Variants in ZNF787 observed in about 807,000 individuals in gnomAD.
ZNF787 encodes zinc finger protein 787, also known as TTF-I-interacting peptide 20.
In ZNF787, 7 loss-of-function variants were observed where a neutral mutation model predicts 16.9. The observed-to-expected ratio is 0.42, with a 90% CI of 0.24 to 0.78. The LOEUF is 0.78. Among genes scored for constraint, ZNF787 ranks in the 30% least tolerant of loss-of-function variants. The probability of loss-of-function intolerance (pLI) is 0.30; values close to 1 mark genes in which losing one functional copy is unlikely to be tolerated. For missense variants in ZNF787, 551 were observed against 589.3 expected (o/e 0.94, Z 0.67); for synonymous variants, 345 against 270.9 (o/e 1.27, Z -2.69).
chr19:56,090,765 T>A (rs575245822), intron 2 of ZNF787, among the ~76,000 whole-genome samples: 2 of 152,218 alleles, frequency 1.3e-5, no homozygotes, highest in African/African-American at 2.4e-5. Flanking sequence ...GAGGTTGCAG[T>A]GAGCTGAGAT....
chr19:56,088,738 G>C lies in ZNF787; in HGVS notation c.434C>G (p.Thr145Arg), dbSNP rs757859430. The change falls in exon 3 of 3, where the codon ACG becomes AGG. Residue 145 changes from threonine (T) to arginine (R), a missense_variant. By Grantham distance (71) the Thr-to-Arg change is moderately conservative. This residue lies in a region of ZNF787 where 39 missense variants were observed against 109.9 expected (regional missense o/e 0.35). Transcript: ENST00000610935. This position sits in a 1 kb window ranked among gnomAD's most constrained non-coding sequence, Gnocchi z 8.6. ...GGGGCAGGTGTAGGGCTTCTCGCCC[G>C]TGTGGATGCGCTGGTGCTGCATGAG... ...SNLMQHQRIH[T>R]GEKPYTCPDC... 6.2e-7 allele frequency: 1 copy of C among 1,610,722 alleles called. No individual in the cohort carries two copies. Among genetic ancestry groups the C allele is most frequent in the Non-Finnish European group, 8.5e-7 (1 of 1,178,966 alleles).
chr19:56,099,114 T>G (rs1346116736), intron 2 of ZNF787, among the ~76,000 whole-genome samples: 1 of 152,184 alleles, frequency 6.6e-6, no homozygotes, highest in Non-Finnish European at 1.5e-5. Context: ...GCTAGGCCAC[T>G]GCTGTCCGGG....
chr19:56,098,865 G>A (rs370284995), intron 2 of ZNF787, among the ~76,000 whole-genome samples: 12 of 151,330 alleles, frequency 7.9e-5, no homozygotes, highest in Non-Finnish European at 1.2e-4. Flanking sequence ...ATGGCCACCC[G>A]GGTGATACGG....
rs767220819 is a variant in ZNF787, at chr19:56,088,908, G to A, written c.264C>T (p.His88=). The change falls in exon 3 of 3, where the codon CAC becomes CAT. Residue 88 remains histidine (H), a synonymous_variant. Coordinates refer to ENST00000610935, the MANE Select transcript of ZNF787 (RefSeq NM_001002836.4). The surrounding 1 kb of genome is among the most constrained non-coding windows in gnomAD (Gnocchi z 8.6). ...CGCAGGCGTTGGGCCGCTCGCCGGT[G>A]TGCGTGCGCTGGTGCCGCGTCAGCT... The part of the protein sequence containing the change: ...WSKLTRHQRT[H]TGERPNACAD... The A allele has an allele frequency of 2.9e-5, 46 of 1,598,964 alleles. No individual in the cohort carries two copies. The highest frequency in any genetic ancestry group is 3.6e-5 in the Non-Finnish European group (42 of 1,172,436).
At chr19:56,108,329 A>C (rs1377372090) in intron 1 of ZNF787, among the ~76,000 whole-genome samples, 1 of 78,042 alleles carries the variant, frequency 1.3e-5, no homozygotes, top group Non-Finnish European at 2.4e-5. Flanking sequence ...CCCTGCCCAG[A>C]GCTCCCCGGC....
rs1348571308 is a variant in ZNF787 at position 56,088,119 on chromosome 19, T to G, written c.1053A>C (p.Gly351=). 8 of 1,543,094 alleles carry G rather than the reference T, an allele frequency of 5.2e-6. No individual in the cohort carries two copies. The Admixed American group carries it at 5.6e-5, about 11-fold the overall frequency. ...VGAPSVCSSC[G]QSYYRAGGEE... ...CCCCGCCCGCGCGGTAGTAGCTCTG[T>G]CCGCAGCTGCTGCAGACCGAGGGCG... is the stretch of plus-strand genomic sequence containing the variant. The change falls in exon 3 of 3, where the codon GGA becomes GGC. Residue 351 remains glycine (G), a synonymous_variant. Coordinates refer to ENST00000610935, the MANE Select transcript of ZNF787 (RefSeq NM_001002836.4). The surrounding 1 kb of genome is among the most constrained non-coding windows in gnomAD (Gnocchi z 8.6).
At chr19:56,097,605 G>A (rs910963837) in intron 2 of ZNF787, among the ~76,000 whole-genome samples, 1 of 152,258 alleles carries the variant, frequency 6.6e-6, no homozygotes, top group African/African-American at 2.4e-5. Context: ...GCTAGCACAG[G>A]AAGAACTGTT....
rs563183307 is a variant in ZNF787 at position 56,112,290 on chromosome 19, T to C, written c.-11+8882A>G. 2.8e-3 allele frequency among the ~76,000 whole-genome samples: 430 copies of C among 152,162 alleles called. 4 individuals carry two copies. Among genetic ancestry groups the C allele is most frequent in the Non-Finnish European group, 4.3e-3 (293 of 67,992 alleles). On this transcript the variant is annotated intron_variant, in intron 1 of 2. Coordinates refer to ENST00000610935, the MANE Select transcript of ZNF787 (RefSeq NM_001002836.4). ...AATTGCACATCTTCTGAAACGAGGG[T>C]CCCGGCCTCCCTTACCAGCCTCCGT...
Position 56,088,716 on chromosome 19 carries a change from G to A in ZNF787, c.456C>T (p.Cys152=). 3.1e-6 allele frequency: 5 copies of A among 1,608,044 alleles called. No individual in the cohort carries two copies. Among genetic ancestry groups the A allele is most frequent in the South Asian group, 1.1e-5 (1 of 90,734 alleles). ...GAGTGAAGCTGCGGCCGCAGTCGGG[G>A]CAGGTGTAGGGCTTCTCGCCCGTGT... ...RIHTGEKPYT[C]PDCGRSFTQS... is the part of the protein sequence containing the mutation. Residue 152 remains cysteine, a synonymous_variant, in exon 3 of 3, where the codon TGC becomes TGT. Coordinates refer to ENST00000610935, the MANE Select transcript of ZNF787 (RefSeq NM_001002836.4). The surrounding 1 kb of genome is among the most constrained non-coding windows in gnomAD (Gnocchi z 8.6).
At chr19:56,109,744 A>T (rs940354574) in intron 1 of ZNF787, among the ~76,000 whole-genome samples, 1 of 151,940 alleles carries the variant, frequency 6.6e-6, no homozygotes, top group Non-Finnish European at 1.5e-5. Flanking sequence ...ATTAGCCGGG[A>T]GTGGTGGCGG....
In ZNF787 at chr19:56,088,163, T is replaced by C. The variant is rs773555962; in HGVS notation, c.1009A>G (p.Lys337Glu). Residue 337 changes from lysine to glutamate, a missense_variant, in exon 3 of 3, where the codon AAG becomes GAG. By Grantham distance (56) the Lys-to-Glu change is moderately conservative. Transcript: ENST00000610935. The surrounding 1 kb of genome is among the most constrained non-coding windows in gnomAD (Gnocchi z 8.6). ...GAGGGCGCGCCCACCGCGTGGATCTTCTTGTGTCTCCGGAGCGCGGCGCCC... is the reference window on the plus strand; with the variant it reads ...GAGGGCGCGCCCACCGCGTGGATCTCCTTGTGTCTCCGGAGCGCGGCGCCC... Reference protein sequence around the residue: ...VQGAALRRHKKIHAVGAPSVC... With the variant: ...VQGAALRRHKEIHAVGAPSVC... 5.1e-5 allele frequency: 79 copies of C among 1,551,782 alleles called. No homozygotes were observed. Among genetic ancestry groups the C allele is most frequent in the Non-Finnish European group, 6.5e-5 (75 of 1,154,514 alleles).
At chr19:56,110,144 G>A (rs1401364440) in intron 1 of ZNF787, among the ~76,000 whole-genome samples, 1 of 152,188 alleles carries the variant, frequency 6.6e-6, no homozygotes, top group South Asian at 2.1e-4. Flanking sequence ...GGCGGATCAC[G>A]AGGTCAGAAA....
intron 1 of ZNF787, among the ~76,000 whole-genome samples, chr19:56,113,209 T>G (rs2030030686): frequency 1.3e-5 from 2 of 152,008 alleles, no homozygotes; most frequent in African/African-American, 4.8e-5. Flanking sequence ...AGGCAGCACC[T>G]CACACCCACT....
rs1599935141 is a variant in ZNF787, at chr19:56,088,134, G to A, written c.1038C>T (p.Val346=). 6.4e-7 allele frequency: 1 copy of A among 1,552,314 alleles called. No individual in the cohort carries two copies. The highest frequency in any genetic ancestry group is 8.7e-7 in the Non-Finnish European group (1 of 1,154,836). Residue 346 remains valine, a synonymous_variant, in exon 3 of 3, where the codon GTC becomes GTT. Coordinates refer to ENST00000610935, the MANE Select transcript of ZNF787 (RefSeq NM_001002836.4). The surrounding 1 kb of genome is among the most constrained non-coding windows in gnomAD (Gnocchi z 8.6). Reference sequence around the variant, plus strand: ...AGTAGCTCTGTCCGCAGCTGCTGCAGACCGAGGGCGCGCCCACCGCGTGGA... The same window carrying A: ...AGTAGCTCTGTCCGCAGCTGCTGCAAACCGAGGGCGCGCCCACCGCGTGGA... ...KKIHAVGAPS[V]CSSCGQSYYR...
In ZNF787 at chr19:56,115,889, A is replaced by C. The variant is rs536712929; in HGVS notation, c.-11+5283T>G. Reference sequence around the variant, plus strand: ...CCTTATGCGAAGGCTTCCGGGTCTTAGGGCAGCCGAGTAACTGAGAATTGT... The same window carrying C: ...CCTTATGCGAAGGCTTCCGGGTCTTCGGGCAGCCGAGTAACTGAGAATTGT... On this transcript the variant is annotated intron_variant, in intron 1 of 2. Transcript: ENST00000610935. 1.7e-4 allele frequency among the ~76,000 whole-genome samples: 26 copies of C among 152,308 alleles called. No homozygotes were observed. The South Asian group carries it at 5.4e-3, about 32-fold the overall frequency.
chr19:56,112,197 A>G (rs1000214491), intron 1 of ZNF787, among the ~76,000 whole-genome samples: 1 of 152,146 alleles, frequency 6.6e-6, no homozygotes, highest in African/African-American at 2.4e-5. Flanking sequence ...CCAGCTCCCT[A>G]GGAGAAGGCC....
rs568196286 is a variant in ZNF787, at chr19:56,087,449, G to C, written c.*574C>G. The C allele has an allele frequency of 6.6e-6, 1 of 152,426 alleles. No homozygotes were observed. Among genetic ancestry groups the C allele is most frequent in the South Asian group, 2.1e-4 (1 of 4,834 alleles). The allele number at this position is 152,426 out of a possible 1,614,324, so 9.4% of individuals were successfully genotyped here. A position where few individuals can be genotyped will look rare whatever the true frequency, so the allele number is the denominator to read the frequency against. ...TGGGACAAACGGGCACCCGCCTCCT[G>C]CGGCGCTGCCTCTGCTACCCGGAAT... On this transcript the variant is annotated 3_prime_UTR_variant, in exon 3 of 3. Coordinates refer to ENST00000610935, the MANE Select transcript of ZNF787 (RefSeq NM_001002836.4).
At position 56,087,825 on chromosome 19, in the gene ZNF787, AGGCGGAGAAG is replaced by A; in HGVS notation, c.*188_*197del. 3.5e-6 allele frequency: 3 copies of A among 852,486 alleles called. No individual in the cohort carries two copies. The highest frequency in any genetic ancestry group is 4.6e-6 in the Non-Finnish European group (3 of 646,002). 52.8% of individuals were successfully genotyped at this position (852,486 alleles called of 1,614,324 possible). ...GCCAGGCTGAGGGGGCAGAGTCTCGAGGCGGAGAAGTGAACGGGCCCTAATACGCCCCAGT... is the reference window on the plus strand; with the variant it reads ...GCCAGGCTGAGGGGGCAGAGTCTCGATGAACGGGCCCTAATACGCCCCAGT... On this transcript the variant is annotated 3_prime_UTR_variant, in exon 3 of 3. Transcript: ENST00000610935.
Position 56,088,384 on chromosome 19 carries a change from CCCGCGCCCGCCATGGCTG to C in ZNF787, c.770_787del (p.Ala257_Ala262del). The C allele has an allele frequency of 2.7e-6, 3 of 1,103,258 alleles. No homozygotes were observed. Among genetic ancestry groups the C allele is most frequent in the Non-Finnish European group, 3.3e-6 (3 of 906,012 alleles). 68.3% of individuals were successfully genotyped at this position (1,103,258 alleles called of 1,614,324 possible). A position where few individuals can be genotyped will look rare whatever the true frequency, so the allele number is the denominator to read the frequency against. The stretch of plus-strand genomic sequence containing the variant: ...CGACCGGGGCCCCGCGGCCTTTGCC[CCCGCGCCCGCCATGGCTG>C]CCGCGGCCGCGGCCCCCTCGCCCGG... On this transcript the variant is annotated inframe_deletion, in exon 3 of 3. Transcript: ENST00000610935. This position sits in a 1 kb window ranked among gnomAD's most constrained non-coding sequence, Gnocchi z 8.6.
Sources: allele counts gnomAD v4.1 joint callset (sites outside exome capture counted in the v4.1 genomes callset), GRCh38; gene constraint gnomAD v4.1.1; regional missense constraint gnomAD v4.1.1; non-coding constraint Gnocchi (gnomAD v3.1); transcripts MANE v1.5; gene names NCBI Gene and HGNC (gene_info 2026-07-23, HGNC 2026-07-21).